The following ROBO1 variants were observed in gnomAD, a reference collection of about 807,000 sequenced individuals.
The protein encoded by ROBO1 is roundabout guidance receptor 1.
Under a neutral mutation model 195.9 loss-of-function variants are expected in ROBO1, and 149 were observed. The ratio of observed to expected loss-of-function variants is 0.76; its 90% CI spans 0.67 to 0.87. The LOEUF is 0.87. ROBO1 is among the 40% of genes least tolerant of loss of function. ROBO1 has a pLI of 0.00. For missense variants in ROBO1, 1,933 were observed against 2,068.3 expected, an observed-to-expected ratio of 0.93 and a Z score of 1.27; for synonymous variants, 816 against 733.2, an observed-to-expected ratio of 1.11 and a Z score of -1.82.
In ROBO1 at chr3:78,745,134, C is replaced by T. The variant is rs189372398; in HGVS notation, c.657+1609G>A. On this transcript the variant is annotated intron_variant, in intron 5 of 30. Transcript: ENST00000464233. ...ACCATCCTGGCCAACACGGTGAAAC[C>T]TCATCTCTACTAAAAATACAAAAAT... is the stretch of plus-strand genomic sequence containing the variant. Among the ~76,000 whole-genome samples the T allele has an allele frequency of 3.0e-3, 455 of 151,826 alleles. 3 individuals carry two copies. The highest frequency in any genetic ancestry group is 1.0e-2 in the African/African-American group (414 of 41,426).
chr3:79,030,055 C>G (rs998069272), intron 3 of ROBO1, among the ~76,000 whole-genome samples: 46 of 152,194 alleles, frequency 3.0e-4, no homozygotes, highest in African/African-American at 1.1e-3. Flanking sequence ...AAAGTATGAT[C>G]AAGAAGAAAG....
intron 4 of ROBO1, among the ~76,000 whole-genome samples, chr3:78,882,254 T>C (rs2036225695): frequency 6.6e-6 from 1 of 152,184 alleles, no homozygotes; most frequent in East Asian, 1.9e-4. Flanking sequence ...TTCAATTTCC[T>C]GGATTGTAAT....
chr3:79,508,411 G>A (rs1236844728), intron 2 of ROBO1, among the ~76,000 whole-genome samples: 2 of 152,216 alleles, frequency 1.3e-5, no homozygotes, highest in South Asian at 2.1e-4. Context: ...TTCTAGCCTC[G>A]AAAATTGTAA....
At chr3:79,679,937 G>A (rs1485495566) in intron 1 of ROBO1, among the ~76,000 whole-genome samples, 1 of 152,034 alleles carries the variant, frequency 6.6e-6, no homozygotes, top group Non-Finnish European at 1.5e-5. Flanking sequence ...GGGATCTGAA[G>A]CACGTCACAT....
chr3:78,647,656 C>T lies in ROBO1; in HGVS notation c.2813-1G>A, dbSNP rs777324365. On this transcript the variant is annotated splice_acceptor_variant, in intron 19 of 30. Transcript: ENST00000464233. LOFTEE classifies it high-confidence loss of function. ...GTTGGTGTGAAGGTAAAAGACGGGACTGAAAAATCAAAACAAAATATAAAC... is the reference window on the plus strand; with the variant it reads ...GTTGGTGTGAAGGTAAAAGACGGGATTGAAAAATCAAAACAAAATATAAAC... The T allele has an allele frequency of 6.2e-7, 1 of 1,610,786 alleles. No individual in the cohort carries two copies. The highest frequency in any genetic ancestry group is 8.5e-7 in the Non-Finnish European group (1 of 1,177,474).
At chr3:79,604,661 A>C (rs561660453) in intron 1 of ROBO1, among the ~76,000 whole-genome samples, 3 of 152,096 alleles carry the variant, frequency 2.0e-5, no homozygotes, top group African/African-American at 7.2e-5. Context: ...CTCAGTACTA[A>C]ATATAAGTTA....
chr3:79,654,106 TA>T (rs1204156780), intron 1 of ROBO1, among the ~76,000 whole-genome samples: 1 of 152,000 alleles, frequency 6.6e-6, no homozygotes, highest in African/African-American at 2.4e-5. Flanking sequence ...AGCACGTTTA[TA>T]AAGTATATAT....
chr3:79,405,307 G>A (rs2037505852), intron 2 of ROBO1, among the ~76,000 whole-genome samples: 1 of 152,166 alleles, frequency 6.6e-6, no homozygotes, highest in Non-Finnish European at 1.5e-5. Flanking sequence ...GACTGCCACT[G>A]GTGCTCAGAT....
At chr3:78,743,663 T>C (rs768806803) in intron 5 of ROBO1, among the ~76,000 whole-genome samples, 1 of 152,222 alleles carries the variant, frequency 6.6e-6, no homozygotes, top group Non-Finnish European at 1.5e-5. Flanking sequence ...TCATTTTACA[T>C]GTCCATCTTG....
intron 4 of ROBO1, among the ~76,000 whole-genome samples, chr3:78,929,728 T>TCCTGAG (rs2039408479): frequency 6.6e-6 from 1 of 151,862 alleles, no homozygotes; most frequent in Admixed American, 6.6e-5. Flanking sequence ...GGTCTCAAAC[T>TCCTGAG]CCTGAGCCAC....
chr3:79,136,708 T>A (rs2080416151), intron 2 of ROBO1, among the ~76,000 whole-genome samples: 1 of 152,116 alleles, frequency 6.6e-6, no homozygotes, highest in Admixed American at 6.5e-5. Context: ...CAAATTTAAG[T>A]TAAACTCAAA....
At chr3:79,370,148 A>G (rs536336177) in intron 2 of ROBO1, among the ~76,000 whole-genome samples, 1 of 151,802 alleles carries the variant, frequency 6.6e-6, no homozygotes, top group Non-Finnish European at 1.5e-5. Flanking sequence ...TGTGCCCAGG[A>G]GTTCGAGACC....
At chr3:79,236,754 G>A (rs1473710470) in intron 2 of ROBO1, among the ~76,000 whole-genome samples, 2 of 152,132 alleles carry the variant, frequency 1.3e-5, no homozygotes, top group African/African-American at 4.8e-5. Flanking sequence ...AAAAATAATT[G>A]AGTAATGTAC....
intron 1 of ROBO1, among the ~76,000 whole-genome samples, chr3:79,619,876 C>A (rs1327384210): frequency 6.6e-6 from 1 of 152,110 alleles, no homozygotes; most frequent in Admixed American, 6.5e-5. Flanking sequence ...GATTCCAGCC[C>A]TCAAACCCCA....
At chr3:79,137,617 G>C (rs547363897) in intron 2 of ROBO1, among the ~76,000 whole-genome samples, 1 of 152,074 alleles carries the variant, frequency 6.6e-6, no homozygotes. Context: ...GTTCTATCAT[G>C]ATCCTAGCCA....
chr3:79,207,204 A>G (rs1442091399), intron 2 of ROBO1, among the ~76,000 whole-genome samples: 1 of 152,150 alleles, frequency 6.6e-6, no homozygotes, highest in Admixed American at 6.6e-5. Context: ...CAAACAGTTG[A>G]TTTAATTGGA....
At chr3:78,640,141 C>T (rs1057363812) in intron 21 of ROBO1, among the ~76,000 whole-genome samples, 1 of 152,068 alleles carries the variant, frequency 6.6e-6, no homozygotes, top group Non-Finnish European at 1.5e-5. Flanking sequence ...CCTAAAATCT[C>T]GTATCATTTG....
intron 3 of ROBO1, among the ~76,000 whole-genome samples, chr3:79,041,703 C>T (rs187995175): frequency 6.4e-4 from 97 of 152,076 alleles, no homozygotes; most frequent in African/African-American, 2.2e-3. Context: ...TGTGGTTATC[C>T]CACACAGATA....
chr3:79,448,710 G>C (rs1478462601), intron 2 of ROBO1, among the ~76,000 whole-genome samples: 1 of 152,098 alleles, frequency 6.6e-6, no homozygotes, highest in Admixed American at 6.5e-5. Context: ...CAAGAAGAAA[G>C]ATTAATGATT....
Sources: allele counts gnomAD v4.1 joint callset (sites outside exome capture counted in the v4.1 genomes callset), GRCh38; gene constraint gnomAD v4.1.1; transcripts MANE v1.5; gene names NCBI Gene and HGNC (gene_info 2026-07-23, HGNC 2026-07-21).